Variants in TNNI3K observed in about 807,000 individuals in gnomAD.
The protein encoded by TNNI3K is TNNI3 interacting kinase.
TNNI3K carries 140 observed loss-of-function variants against 114.5 expected under a neutral mutation model. The observed-to-expected ratio is 1.22, with a 90% CI of 1.07 to 1.41. The LOEUF (loss-of-function observed/expected upper bound fraction) is 1.41. Among genes scored for constraint, TNNI3K ranks in the 40% most tolerant of loss-of-function variants. TNNI3K has a pLI of 0.00. For synonymous variants in TNNI3K, 347 were observed against 347.5 expected (o/e 1.00, Z 0.02); for missense variants, 1,125 against 1,007.6 (o/e 1.12, Z -1.58).
chr1:74,499,251 C>T (rs764751907), intron 23 of TNNI3K, among the ~76,000 whole-genome samples: 1 of 152,230 alleles, frequency 6.6e-6, no homozygotes, highest in Non-Finnish European at 1.5e-5. Flanking sequence ...AAGCAATCCT[C>T]CTGCCTGAGC....
At chr1:74,542,728 G>T (rs1230561878) in intron 24 of TNNI3K, among the ~76,000 whole-genome samples, 2 of 152,192 alleles carry the variant, frequency 1.3e-5, no homozygotes, top group Admixed American at 1.3e-4. Flanking sequence ...TGAAAACTCA[G>T]CTATCAAAGG....
chr1:74,374,767 C>T (rs964865834), intron 17 of TNNI3K: 1 of 151,772 alleles, frequency 6.6e-6, no homozygotes, highest in African/African-American at 2.4e-5. Flanking sequence ...CAGGAATGTA[C>T]CTCTCTAATT....
chr1:74,511,903 G>A (rs1670246580), intron 23 of TNNI3K, among the ~76,000 whole-genome samples: 2 of 152,188 alleles, frequency 1.3e-5, no homozygotes, highest in African/African-American at 4.8e-5. Flanking sequence ...ACAGCAAAGG[G>A]TTGAGTGTGG....
intron 21 of TNNI3K, chr1:74,472,065 A>G (rs3765674): frequency 0.58 from 412,594 of 715,582 alleles, 119,888 homozygotes; most frequent in East Asian, 0.68. Flanking sequence ...GTCTTTGCCT[A>G]TGAGGGTGTA....
rs953332528 is a variant in TNNI3K at position 74,487,726 on chromosome 1, A to T, written c.2122-1463A>T. ...GGCAGATGGGTAGGTAGGTAGAAAG[A>T]AGAGCATCTACTTTAGGACATATTT... On this transcript the variant is annotated intron_variant, in intron 21 of 24. Transcript: ENST00000326637. Among the ~76,000 whole-genome samples the T allele has an allele frequency of 1.2e-4, 18 of 152,318 alleles. 1 individual carries two copies. Among genetic ancestry groups the T allele is most frequent in the Admixed American group, 5.2e-4 (8 of 15,286 alleles).
chr1:74,447,071 T>C (rs912532190), intron 20 of TNNI3K, among the ~76,000 whole-genome samples: 1 of 150,336 alleles, frequency 6.7e-6, no homozygotes, highest in Admixed American at 6.7e-5. Context: ...TTTCCAATTC[T>C]GTGAAGAAAG....
Position 74,331,512 on chromosome 1 carries a change from T to A in TNNI3K, c.507T>A (p.Thr169=). Residue 169 remains threonine (T), a synonymous_variant, in exon 6 of 25, where the codon ACT becomes ACA. Coordinates refer to ENST00000326637, the MANE Select transcript of TNNI3K (RefSeq NM_015978.3). Reference sequence around the variant, plus strand: ...ATATTCAAGATGCAGTTTTTTTCACTCCATTGCATATTGCAGCGTACTATG... The same window carrying A: ...ATATTCAAGATGCAGTTTTTTTCACACCATTGCATATTGCAGCGTACTATG... The part of the protein sequence containing the change: ...NVNIQDAVFF[T]PLHIAAYYGH... 1 of 1,613,810 alleles carries A rather than the reference T, an allele frequency of 6.2e-7. No homozygotes were observed. The highest frequency in any genetic ancestry group is 1.3e-5 in the African/African-American group (1 of 75,062).
At chr1:74,408,332 TA>T (rs1664717746) in intron 17 of TNNI3K, among the ~76,000 whole-genome samples, 1 of 152,224 alleles carries the variant, frequency 6.6e-6, no homozygotes, top group Non-Finnish European at 1.5e-5. Flanking sequence ...GCCCATGGAC[TA>T]AATCAGCTCA....
At chr1:74,456,881 T>C (rs911035779) in intron 20 of TNNI3K, among the ~76,000 whole-genome samples, 1 of 152,194 alleles carries the variant, frequency 6.6e-6, no homozygotes, top group East Asian at 1.9e-4. Flanking sequence ...CAGACTTTTT[T>C]ATGTCACATA....
chr1:74,291,459 A>T lies in TNNI3K; in HGVS notation c.444+19751A>T, dbSNP rs1042675423. On this transcript the variant is annotated intron_variant, in intron 5 of 24. Coordinates refer to ENST00000326637, the MANE Select transcript of TNNI3K (RefSeq NM_015978.3). ...ATGTACAAGGGAAGGTTCTAAGCAC[A>T]TTATACAGATTATCTTGTTTTATGT... Among the ~76,000 whole-genome samples, 5 of 151,588 alleles carry T rather than the reference A, an allele frequency of 3.3e-5. No individual in the cohort carries two copies. The East Asian group carries it at 5.8e-4, about 17-fold the overall frequency.
intron 17 of TNNI3K, chr1:74,371,235 T>C (rs1662581759): frequency 6.6e-6 from 1 of 151,884 alleles, no homozygotes. Context: ...CTAGTAAATA[T>C]TGATTACTCT....
intron 2 of TNNI3K, among the ~76,000 whole-genome samples, chr1:74,241,449 C>G (rs1462926927): frequency 2.0e-5 from 3 of 152,116 alleles, no homozygotes; most frequent in African/African-American, 7.2e-5. Context: ...CTGTTGTTTC[C>G]TGACTTTTTA....
intron 21 of TNNI3K, among the ~76,000 whole-genome samples, chr1:74,464,040 T>A (rs1667561803): frequency 6.6e-6 from 1 of 152,232 alleles, no homozygotes; most frequent in Non-Finnish European, 1.5e-5. Context: ...AGCATAGACT[T>A]CGAATTCAAA....
At chr1:74,414,803 C>T (rs79497558) in intron 17 of TNNI3K, among the ~76,000 whole-genome samples, 1,908 of 152,286 alleles carry the variant, frequency 0.013, 46 homozygotes, top group African/African-American at 0.043. Flanking sequence ...TGATCCAAAT[C>T]ACTCTTAATC....
chr1:74,344,956 T>C (rs1660923545), intron 9 of TNNI3K, among the ~76,000 whole-genome samples: 1 of 152,140 alleles, frequency 6.6e-6, no homozygotes, highest in Admixed American at 6.6e-5. Flanking sequence ...TACATTTCTG[T>C]TGTGGTTTTC....
At chr1:74,247,491 G>A (rs369779518) in intron 2 of TNNI3K, among the ~76,000 whole-genome samples, 8 of 152,198 alleles carry the variant, frequency 5.3e-5, no homozygotes, top group African/African-American at 1.4e-4. Flanking sequence ...GCAAGTTGCC[G>A]ATGGTGGCTG....
chr1:74,398,009 A>G (rs1311982321), intron 17 of TNNI3K, among the ~76,000 whole-genome samples: 1 of 152,220 alleles, frequency 6.6e-6, no homozygotes, highest in East Asian at 1.9e-4. Flanking sequence ...AAATTAATAC[A>G]TGGAGAACTG....
intron 11 of TNNI3K, among the ~76,000 whole-genome samples, chr1:74,358,827 A>T (rs1480286444): frequency 7.3e-6 from 1 of 137,024 alleles, no homozygotes; most frequent in African/African-American, 2.4e-5. Context: ...TTGCAGGGAG[A>T]TAACTCACAA....
At chr1:74,256,296 T>G (rs1237922759) in intron 4 of TNNI3K, among the ~76,000 whole-genome samples, 1 of 123,988 alleles carries the variant, frequency 8.1e-6, no homozygotes, top group Non-Finnish European at 1.5e-5. Flanking sequence ...TTTTTTTTTT[T>G]TTTTTTTTTT....
Sources: allele counts gnomAD v4.1 joint callset (sites outside exome capture counted in the v4.1 genomes callset), GRCh38; gene constraint gnomAD v4.1.1; transcripts MANE v1.5; gene names NCBI Gene and HGNC (gene_info 2026-07-23, HGNC 2026-07-21).